Variants in STPG2 observed in about 807,000 individuals in gnomAD.
The protein encoded by STPG2 is sperm tail PG-rich repeat containing 2, also known as sperm-tail PG-rich repeat-containing protein 2.
Under a neutral mutation model 54.2 loss-of-function variants are expected in STPG2, and 56 were observed. The observed-to-expected ratio is 1.03, with a 90% CI of 0.83 to 1.29. The LOEUF is 1.29. STPG2 is among the 50% of genes most tolerant of loss of function. STPG2 has a pLI of 0.00. For synonymous variants in STPG2, 200 were observed against 181.8 expected, an observed-to-expected ratio of 1.10 and a Z score of -0.81; for missense variants, 596 against 544.9, an observed-to-expected ratio of 1.09 and a Z score of -0.93.
intron 10 of STPG2, among the ~76,000 whole-genome samples, chr4:97,634,464 C>T (rs1178082601): frequency 6.6e-6 from 1 of 152,210 alleles, no homozygotes; most frequent in Non-Finnish European, 1.5e-5. Flanking sequence ...CAGCTCCTCA[C>T]CTGCAACAGA....
In STPG2 at chr4:97,952,348, G is replaced by C. The variant is rs61329802; in HGVS notation, c.934-8341C>G. Among the ~76,000 whole-genome samples, 659 of 152,252 alleles carry C rather than the reference G, an allele frequency of 4.3e-3. 6 individuals are homozygous for C. Among genetic ancestry groups the C allele is most frequent in the African/African-American group, 0.015 (618 of 41,540 alleles). On this transcript the variant is annotated intron_variant, in intron 7 of 10. Coordinates refer to ENST00000295268, the MANE Select transcript of STPG2 (RefSeq NM_174952.3). Reference sequence around the variant, plus strand: ...GCCTGACTGTTGGGGTACAGCTGCAGACTTTCCCTGCTGAACCCAGTACTG... The same window carrying C: ...GCCTGACTGTTGGGGTACAGCTGCACACTTTCCCTGCTGAACCCAGTACTG...
At chr4:97,715,467 C>CA (rs1472810585) in intron 9 of STPG2, among the ~76,000 whole-genome samples, 8 of 151,596 alleles carry the variant, frequency 5.3e-5, no homozygotes, top group Non-Finnish European at 1.2e-4. Flanking sequence ...TGCTACAGGG[C>CA]AAAAATGGAA....
chr4:98,114,753 ATTTT>A lies in STPG2; in HGVS notation c.388-5452_388-5449del, dbSNP rs33980852. Among the ~76,000 whole-genome samples, 1,198 of 146,038 alleles carry A rather than the reference ATTTT, an allele frequency of 8.2e-3. 50 individuals are homozygous for A. Among genetic ancestry groups the A allele is most frequent in the Admixed American group, 0.071 (1,042 of 14,680 alleles). ...AATTTAAGACCCCACAATAATATCCATTTTTTTTTTTTTGTGTGTGTGTGTGTGT... is the reference window on the plus strand; with the variant it reads ...AATTTAAGACCCCACAATAATATCCATTTTTTTTTGTGTGTGTGTGTGTGT... On this transcript the variant is annotated intron_variant, in intron 3 of 10. Transcript: ENST00000295268.
intron 5 of STPG2, among the ~76,000 whole-genome samples, chr4:98,033,712 G>A (rs984271769): frequency 6.6e-6 from 1 of 152,074 alleles, no homozygotes; most frequent in East Asian, 1.9e-4. Context: ...ATAAAATACT[G>A]GCAAACCGAA....
At chr4:98,074,152 T>C (rs1436530584) in intron 5 of STPG2, among the ~76,000 whole-genome samples, 1 of 152,242 alleles carries the variant, frequency 6.6e-6, no homozygotes, top group Non-Finnish European at 1.5e-5. Context: ...TTTATTAAAA[T>C]GTAATTCATG....
chr4:97,904,869 G>C (rs954803195), intron 8 of STPG2, among the ~76,000 whole-genome samples: 1 of 152,174 alleles, frequency 6.6e-6, no homozygotes, highest in Non-Finnish European at 1.5e-5. Flanking sequence ...GATGGAAGAT[G>C]AAATGAATGA....
intron 10 of STPG2, among the ~76,000 whole-genome samples, chr4:97,687,771 A>T (rs888968521): frequency 6.6e-6 from 1 of 152,126 alleles, no homozygotes; most frequent in Admixed American, 6.5e-5. Context: ...GAACTTTAGA[A>T]TATATTATAA....
At chr4:97,918,126 T>A (rs1462659612) in intron 8 of STPG2, among the ~76,000 whole-genome samples, 3 of 152,130 alleles carry the variant, frequency 2.0e-5, no homozygotes. Flanking sequence ...TGAAAATTCT[T>A]GAGTAATTAT....
chr4:97,598,555 T>TAAA lies in STPG2; in HGVS notation c.1321-39441_1321-39439dup, dbSNP rs35374576. 2.6e-3 allele frequency among the ~76,000 whole-genome samples: 353 copies of TAAA among 137,858 alleles called. 2 individuals are homozygous for TAAA. Among genetic ancestry groups the TAAA allele is most frequent in the African/African-American group, 8.6e-3 (330 of 38,460 alleles). 90.4% of individuals were successfully genotyped at this position (137,858 alleles called of 152,430 possible). ...AGTAGCCCAAACAGCATGGTACTGG[T>TAAA]AAAAAAAAAAAAAACAGACATATAG... On this transcript the variant is annotated intron_variant, in intron 10 of 10. Transcript: ENST00000295268.
At chr4:98,056,097 A>C (rs1737474143) in intron 5 of STPG2, among the ~76,000 whole-genome samples, 1 of 152,132 alleles carries the variant, frequency 6.6e-6, no homozygotes, top group Non-Finnish European at 1.5e-5. Context: ...CATGTGAGTG[A>C]AGTCTGCTTT....
intron 10 of STPG2, among the ~76,000 whole-genome samples, chr4:97,683,521 C>A (rs1723095766): frequency 6.6e-6 from 1 of 151,740 alleles, no homozygotes. Flanking sequence ...GGAAAAAAAT[C>A]ATATGATCAT....
chr4:97,550,736 G>A (rs1048180608), intron 4 of STPG2, among the ~76,000 whole-genome samples: 15 of 152,116 alleles, frequency 9.9e-5, no homozygotes, highest in African/African-American at 3.6e-4. Context: ...ATGTTCAGAT[G>A]TGTTCAGAGT....
In STPG2 at chr4:97,926,045, A is replaced by T. The variant is rs1365352273; in HGVS notation, c.1044+17852T>A. Among the ~76,000 whole-genome samples, 4 of 152,164 alleles carry T rather than the reference A, an allele frequency of 2.6e-5. No homozygotes were observed. In the East Asian group the frequency reaches 7.7e-4, roughly 29 times the overall value. ...CCTTATACAATTTTATCTCAAAACT[A>T]CTAGTATGGTTCTGTCTTCTGACTA... On this transcript the variant is annotated intron_variant, in intron 8 of 10. Transcript: ENST00000295268.
chr4:98,119,989 C>T (rs1446004287), intron 3 of STPG2, among the ~76,000 whole-genome samples: 1 of 152,038 alleles, frequency 6.6e-6, no homozygotes, highest in Non-Finnish European at 1.5e-5. Flanking sequence ...TTTTCTTTAT[C>T]CAGTCTATCA....
At chr4:97,679,396 A>C (rs1256306686) in intron 10 of STPG2, among the ~76,000 whole-genome samples, 1 of 151,954 alleles carries the variant, frequency 6.6e-6, no homozygotes, top group South Asian at 2.1e-4. Flanking sequence ...GCAATTTTTC[A>C]TGTGTTTCTT....
At chr4:97,823,999 C>A (rs1008820483) in intron 9 of STPG2, among the ~76,000 whole-genome samples, 6 of 152,120 alleles carry the variant, frequency 3.9e-5, no homozygotes, top group Non-Finnish European at 5.9e-5. Flanking sequence ...ACAGGTTTGG[C>A]ACTATGGGAT....
chr4:97,653,219 C>G (rs1560704497), intron 10 of STPG2, among the ~76,000 whole-genome samples: 1 of 151,886 alleles, frequency 6.6e-6, no homozygotes. Flanking sequence ...ATTGTAGACT[C>G]AGGTATTAGG....
intron 9 of STPG2, among the ~76,000 whole-genome samples, chr4:97,838,230 A>G (rs938450705): frequency 6.6e-6 from 1 of 151,510 alleles, no homozygotes; most frequent in Non-Finnish European, 1.5e-5. Flanking sequence ...AAGAGAAATA[A>G]TAGGGTAAAG....
At chr4:97,942,500 G>A (rs79281558) in intron 8 of STPG2, among the ~76,000 whole-genome samples, 6 of 151,392 alleles carry the variant, frequency 4.0e-5, no homozygotes, top group Non-Finnish European at 8.9e-5. Flanking sequence ...ACTGTCTTTT[G>A]AATTTATAAT....
Sources: gnomAD v4.1 joint callset for allele counts (sites outside exome capture counted in the v4.1 genomes callset) on GRCh38, gnomAD v4.1.1 for gene constraint, MANE v1.5 for transcripts, NCBI Gene and HGNC (gene_info 2026-07-23, HGNC 2026-07-21) for gene names.